PDSS2: variants seen among roughly 807,000 people sequenced by gnomAD.
PDSS2 encodes decaprenyl diphosphate synthase subunit 2.
Under a neutral mutation model 44.5 loss-of-function variants are expected in PDSS2, and 31 were observed. The ratio of observed to expected loss-of-function variants is 0.70; its 90% CI spans 0.52 to 0.94. The LOEUF is 0.94. Ranked by LOEUF, PDSS2 falls within the 40% of genes least tolerant of loss-of-function variation. The probability of loss-of-function intolerance (pLI) is 0.00; values close to 1 mark genes in which losing one functional copy is unlikely to be tolerated. For synonymous variants in PDSS2, 157 were observed against 180.3 expected, an observed-to-expected ratio of 0.87 and a Z score of 1.03; for missense variants, 452 against 482.2, an observed-to-expected ratio of 0.94 and a Z score of 0.59.
At chr6:107,336,236 A>G (rs1369267863) in intron 1 of PDSS2, among the ~76,000 whole-genome samples, 2 of 149,104 alleles carry the variant, frequency 1.3e-5, no homozygotes, top group Admixed American at 6.7e-5. Flanking sequence ...AGCTTGGGTG[A>G]CAGAGCGAGA....
chr6:107,329,034 C>T (rs1357970433), intron 2 of PDSS2, among the ~76,000 whole-genome samples: 2 of 152,230 alleles, frequency 1.3e-5, no homozygotes, highest in Non-Finnish European at 1.5e-5. Context: ...CAGCTTTTGC[C>T]TAGACGACTT....
intron 7 of PDSS2, among the ~76,000 whole-genome samples, chr6:107,184,370 A>G (rs1303248986): frequency 6.6e-5 from 10 of 152,226 alleles, no homozygotes; most frequent in Admixed American, 6.5e-4. Flanking sequence ...TCAAGGCTCA[A>G]AAAAGAAAAT....
intron 3 of PDSS2, among the ~76,000 whole-genome samples, chr6:107,266,928 ATG>A (rs772422111): frequency 6.6e-6 from 1 of 152,232 alleles, no homozygotes; most frequent in Non-Finnish European, 1.5e-5. Flanking sequence ...GAAAAAAAGC[ATG>A]TGTGACTGAC....
intron 1 of PDSS2, among the ~76,000 whole-genome samples, chr6:107,336,818 GGT>G (rs1053517284): frequency 7.0e-6 from 1 of 141,890 alleles, no homozygotes; most frequent in East Asian, 2.1e-4. Flanking sequence ...AAGAAAAAGA[GGT>G]GTGTGGTGTG....
intron 7 of PDSS2, among the ~76,000 whole-genome samples, chr6:107,167,291 G>A (rs1239963765): frequency 3.3e-5 from 5 of 152,058 alleles, no homozygotes; most frequent in African/African-American, 1.2e-4. Flanking sequence ...ATTCTCTGAT[G>A]GTAGTTTGTA....
At chr6:107,264,820 A>G (rs1318082487) in intron 3 of PDSS2, among the ~76,000 whole-genome samples, 1 of 152,188 alleles carries the variant, frequency 6.6e-6, no homozygotes, top group Non-Finnish European at 1.5e-5. Context: ...AGATTCTGGC[A>G]TGACCACATC....
intron 4 of PDSS2, among the ~76,000 whole-genome samples, chr6:107,214,195 C>A (rs932412833): frequency 6.6e-6 from 1 of 151,850 alleles, no homozygotes; most frequent in Non-Finnish European, 1.5e-5. Context: ...GCTCTGCCTC[C>A]CGGGTTCACT....
intron 1 of PDSS2, among the ~76,000 whole-genome samples, chr6:107,424,852 T>G (rs1583067300): frequency 6.6e-6 from 1 of 152,160 alleles, no homozygotes; most frequent in African/African-American, 2.4e-5. Context: ...ACTCCATCAG[T>G]CTTTGATATG....
rs549831613 is a variant in PDSS2, at chr6:107,241,508, A to G, written c.702+4040T>C. Among the ~76,000 whole-genome samples, 14 of 151,150 alleles carry G rather than the reference A, an allele frequency of 9.3e-5. No individual in the cohort carries two copies. The South Asian group carries it at 1.9e-3, about 20-fold the overall frequency. On this transcript the variant is annotated intron_variant, in intron 4 of 7. Transcript: ENST00000369037. ...ACTACAGGCGCCCACCACCACGCCC[A>G]GCTAATTTTTTGTATTTTTAGTAGA...
At chr6:107,427,709 C>G (rs929494891) in intron 1 of PDSS2, among the ~76,000 whole-genome samples, 3 of 152,156 alleles carry the variant, frequency 2.0e-5, no homozygotes, top group African/African-American at 7.2e-5. Flanking sequence ...TGAGCCCTTT[C>G]TTATATTTCC....
intron 4 of PDSS2, among the ~76,000 whole-genome samples, chr6:107,218,449 C>G (rs1181580172): frequency 2.0e-5 from 3 of 152,180 alleles, no homozygotes; most frequent in African/African-American, 7.2e-5. Context: ...AACTTCAACT[C>G]ATCTTTAATA....
chr6:107,349,238 C>T (rs1778353565), intron 1 of PDSS2, among the ~76,000 whole-genome samples: 1 of 152,010 alleles, frequency 6.6e-6, no homozygotes, highest in Non-Finnish European at 1.5e-5. Context: ...CGAGACTATC[C>T]TGGCTAACAC....
chr6:107,205,357 G>C (rs1276051703), intron 6 of PDSS2, among the ~76,000 whole-genome samples: 1 of 152,178 alleles, frequency 6.6e-6, no homozygotes, highest in Non-Finnish European at 1.5e-5. Context: ...ACTTATAGTG[G>C]CAGCAGAAAA....
intron 4 of PDSS2, among the ~76,000 whole-genome samples, chr6:107,231,824 T>C (rs1432646526): frequency 1.3e-5 from 2 of 152,072 alleles, no homozygotes; most frequent in Non-Finnish European, 2.9e-5. Context: ...TAGCTGGGTG[T>C]GGTGGTGCGC....
At chr6:107,162,448 A>G (rs1184477314) in intron 7 of PDSS2, among the ~76,000 whole-genome samples, 1 of 133,930 alleles carries the variant, frequency 7.5e-6, no homozygotes, top group Non-Finnish European at 1.6e-5. Flanking sequence ...AGCCAAGATC[A>G]TGCCACTGCA....
At chr6:107,257,741 C>A (rs767336913) in intron 3 of PDSS2, among the ~76,000 whole-genome samples, 1 of 152,022 alleles carries the variant, frequency 6.6e-6, no homozygotes, top group East Asian at 1.9e-4. Context: ...GCCTTGACCT[C>A]CCAAGTAGCT....
intron 4 of PDSS2, among the ~76,000 whole-genome samples, chr6:107,217,108 T>C (rs1773438209): frequency 6.6e-6 from 1 of 152,138 alleles, no homozygotes; most frequent in Non-Finnish European, 1.5e-5. Flanking sequence ...CCACGGGCAA[T>C]GTTAGGAGAC....
chr6:107,275,715 T>C (rs941286824), intron 2 of PDSS2, among the ~76,000 whole-genome samples: 2 of 152,126 alleles, frequency 1.3e-5, no homozygotes, highest in East Asian at 1.9e-4. Flanking sequence ...AGTGTTTGCT[T>C]TGAGTCAGAA....
At chr6:107,353,673 T>C (rs1015186300) in intron 1 of PDSS2, among the ~76,000 whole-genome samples, 3 of 152,070 alleles carry the variant, frequency 2.0e-5, no homozygotes, top group African/African-American at 4.8e-5. Context: ...CTCAATATGA[T>C]AGCATTAACA....
Sources: allele counts gnomAD v4.1 joint callset (sites outside exome capture counted in the v4.1 genomes callset), GRCh38; gene constraint gnomAD v4.1.1; transcripts MANE v1.5; gene names NCBI Gene and HGNC (gene_info 2026-07-23, HGNC 2026-07-21).